Variants in LRRC7 observed in about 807,000 individuals in gnomAD.
The protein encoded by LRRC7 is leucine rich repeat containing 7, also known as leucine-rich repeat-containing protein 7.
LRRC7 carries 23 observed loss-of-function variants against 175.7 expected under a neutral mutation model. The ratio of observed to expected loss-of-function variants is 0.13; its 90% confidence interval spans 0.09 to 0.19. LRRC7 has a LOEUF of 0.19. Ranked by LOEUF, LRRC7 falls within the 10% of genes least tolerant of loss-of-function variation. LRRC7 has a pLI of 1.00. For missense variants in LRRC7, 1,354 were observed against 1,904.7 expected (o/e 0.71, Z 5.38); for synonymous variants, 685 against 680.9 (o/e 1.01, Z -0.09).
At chr1:70,101,812 G>A (rs1664825412) in intron 25 of LRRC7, among the ~76,000 whole-genome samples, 1 of 152,220 alleles carries the variant, frequency 6.6e-6, no homozygotes, top group Non-Finnish European at 1.5e-5. Flanking sequence ...GGCTCATCCA[G>A]CTAGCCCTCT....
At chr1:69,781,552 C>A (rs554727156) in intron 3 of LRRC7, among the ~76,000 whole-genome samples, 1 of 150,646 alleles carries the variant, frequency 6.6e-6, no homozygotes, top group African/African-American at 2.4e-5. Flanking sequence ...GTGTGGTGTG[C>A]ACAACTGTAA....
intron 2 of LRRC7, among the ~76,000 whole-genome samples, chr1:69,730,990 A>G (rs908029056): frequency 2.5e-4 from 38 of 152,078 alleles, no homozygotes; most frequent in African/African-American, 8.2e-4. Flanking sequence ...GAAAAAGGGG[A>G]AAAAGCTCCT....
At position 70,039,638 on chromosome 1, in the gene LRRC7, G is replaced by A; in HGVS notation, c.3814G>A (p.Asp1272Asn). The A allele has an allele frequency of 6.2e-7, 1 of 1,614,070 alleles. No homozygotes were observed. The highest frequency in any genetic ancestry group is 8.5e-7 in the Non-Finnish European group (1 of 1,180,008). ...AGCTCTTTTGGAAAAAATACCATCT[G>A]ACTATAACTTGGGTAACTATGGTGA... ...MAALLEKIPS[D>N]YNLGNYGDKP... The change falls in exon 21 of 27, where the codon GAC (aspartate) becomes AAC (asparagine). Residue 1272 changes from aspartate (D) to asparagine (N), a missense_variant. Asp to Asn is a conservative substitution (Grantham distance 23). Around this residue, in one of 4 missense-constraint regions of LRRC7, gnomAD observed 1,032 missense variants for 1,227.2 expected, o/e 0.84. Coordinates refer to ENST00000651989, the MANE Select transcript of LRRC7 (RefSeq NM_001370785.2).
At chr1:69,925,717 T>C (rs905385742) in intron 7 of LRRC7, among the ~76,000 whole-genome samples, 1 of 152,172 alleles carries the variant, frequency 6.6e-6, no homozygotes, top group Admixed American at 6.5e-5. Context: ...TTGCTAGCGG[T>C]CTATCAATTT....
At chr1:69,589,399 C>T (rs575705566) in intron 1 of LRRC7, among the ~76,000 whole-genome samples, 1 of 152,232 alleles carries the variant, frequency 6.6e-6, no homozygotes, top group African/African-American at 2.4e-5. Flanking sequence ...TTCAGCACTT[C>T]ATGCTCACAT....
At chr1:69,574,637 T>A (rs545326947) in intron 1 of LRRC7, among the ~76,000 whole-genome samples, 7 of 152,232 alleles carry the variant, frequency 4.6e-5, no homozygotes, top group African/African-American at 1.7e-4. Context: ...CTAAAACAAT[T>A]AAAAATTGCA....
At chr1:69,679,431 A>C (rs1195454916) in intron 2 of LRRC7, among the ~76,000 whole-genome samples, 1 of 152,124 alleles carries the variant, frequency 6.6e-6, no homozygotes, top group Non-Finnish European at 1.5e-5. Context: ...GGGCACACTC[A>C]TGGCAAATGA....
At chr1:69,678,243 C>A (rs559817269) in intron 1 of LRRC7, 138 bp from the exon 2 acceptor site, 2 of 610,012 alleles carry the variant, frequency 3.3e-6, no homozygotes, top group Middle Eastern at 4.1e-4. Context: ...TGCTCCCTGC[C>A]AGCTTGCTCC....
intron 26 of LRRC7, among the ~76,000 whole-genome samples, chr1:70,116,562 A>G (rs1302214906): frequency 1.3e-5 from 2 of 151,798 alleles, no homozygotes; most frequent in African/African-American, 2.4e-5. Context: ...AAAAAAAAAA[A>G]AAACACAGAA....
rs1683851265 is a variant in LRRC7 at position 69,857,752 on chromosome 1, A to G, written c.647+19469A>G. Among the ~76,000 whole-genome samples the G allele has an allele frequency of 8.5e-5, 13 of 152,322 alleles. No individual in the cohort carries two copies. The South Asian group carries it at 2.7e-3, about 32-fold the overall frequency. ...CAATGACTTTGTTCACAGAATTGGA[A>G]AAAGCTACTTTAAAGTTCATATGGA... On this transcript the variant is annotated intron_variant, in intron 7 of 26. Transcript: ENST00000651989.
chr1:69,703,849 A>G (rs1435928457), intron 2 of LRRC7, among the ~76,000 whole-genome samples: 1 of 152,046 alleles, frequency 6.6e-6, no homozygotes, highest in East Asian at 1.9e-4. Flanking sequence ...GATAGTGCAG[A>G]TAATAATGTA....
At chr1:70,035,181 G>T (rs1659172563) in intron 18 of LRRC7, among the ~76,000 whole-genome samples, 1 of 152,024 alleles carries the variant, frequency 6.6e-6, no homozygotes, top group Non-Finnish European at 1.5e-5. Flanking sequence ...TTAATCTTAA[G>T]GGAAAAGAAG....
chr1:69,647,921 A>G (rs1328194128), intron 1 of LRRC7, among the ~76,000 whole-genome samples: 1 of 152,188 alleles, frequency 6.6e-6, no homozygotes, highest in Non-Finnish European at 1.5e-5. Context: ...CCAGATCAAC[A>G]CATGTAAAAT....
intron 1 of LRRC7, among the ~76,000 whole-genome samples, chr1:69,618,136 T>A (rs968950019): frequency 5.9e-5 from 9 of 152,116 alleles, no homozygotes; most frequent in Non-Finnish European, 1.3e-4. Flanking sequence ...TCTCATTTTT[T>A]TCCCCCGCAG....
chr1:69,702,750 A>C (rs1396145976), intron 2 of LRRC7, among the ~76,000 whole-genome samples: 1 of 152,134 alleles, frequency 6.6e-6, no homozygotes, highest in Non-Finnish European at 1.5e-5. Flanking sequence ...TTTTTGATTG[A>C]ATATACAATT....
intron 4 of LRRC7, among the ~76,000 whole-genome samples, chr1:69,813,066 C>T (rs954513706): frequency 6.6e-6 from 1 of 152,022 alleles, no homozygotes; most frequent in Admixed American, 6.6e-5. Flanking sequence ...TTTCCAGAAC[C>T]CTCCCTATCT....
intron 7 of LRRC7, chr1:69,919,460 A>G: frequency 1.0e-6 from 1 of 990,398 alleles, no homozygotes; most frequent in Non-Finnish European, 1.6e-6. Context: ...AGCCAGTGGG[A>G]GCGGCCCAGC....
In LRRC7 at chr1:70,127,814, G is replaced by A. The variant is rs922352327; in HGVS notation, c.*5927G>A. ...CGCAGCATTTATGTAAACATTCCAT[G>A]ACTCTTATTAGTCTACGGTTGGAAC... On this transcript the variant is annotated 3_prime_UTR_variant, in exon 27 of 27. Transcript: ENST00000651989. Among the ~76,000 whole-genome samples, 1 of 152,168 alleles carries A rather than the reference G, an allele frequency of 6.6e-6. No individual in the cohort carries two copies. The highest frequency in any genetic ancestry group is 1.5e-5 in the Non-Finnish European group (1 of 68,032).
At chr1:69,906,363 G>A (rs530320195) in intron 7 of LRRC7, among the ~76,000 whole-genome samples, 10 of 151,876 alleles carry the variant, frequency 6.6e-5, no homozygotes, top group Non-Finnish European at 1.2e-4. Flanking sequence ...GTATTGCCTA[G>A]GTTTTCTTCT....
Sources: allele counts gnomAD v4.1 joint callset (sites outside exome capture counted in the v4.1 genomes callset), GRCh38; gene constraint gnomAD v4.1.1; regional missense constraint gnomAD v4.1.1; transcripts MANE v1.5; gene names NCBI Gene and HGNC (gene_info 2026-07-23, HGNC 2026-07-21).